Variants in USP43 observed in about 807,000 individuals in gnomAD.
USP43 encodes the protein ubiquitin carboxyl-terminal hydrolase 43.
Under a neutral mutation model 90.7 loss-of-function variants are expected in USP43, and 33 were observed. The ratio of observed to expected loss-of-function variants is 0.36; its 90% confidence interval spans 0.28 to 0.49. The LOEUF (loss-of-function observed/expected upper bound fraction) is 0.49, where lower values mean the gene tolerates loss of function less well. USP43 is among the 20% of genes least tolerant of loss of function. USP43 has a pLI of 0.98. For synonymous variants in USP43, 598 were observed against 615.8 expected (o/e 0.97, Z 0.43); for missense variants, 1,274 against 1,476.4 (o/e 0.86, Z 2.25).
intron 14 of USP43, among the ~76,000 whole-genome samples, chr17:9,714,063 T>A (rs1403220014): frequency 6.6e-6 from 1 of 152,132 alleles, no homozygotes; most frequent in Non-Finnish European, 1.5e-5. Flanking sequence ...ACGTGCAGAG[T>A]TCACAATAGG....
chr17:9,681,105 A>G (rs9902295), intron 6 of USP43, among the ~76,000 whole-genome samples: 1,317 of 83,092 alleles, frequency 0.016, 53 homozygotes, highest in African/African-American at 0.076. Context: ...GACATATACT[A>G]TATAATATAT....
At chr17:9,726,261 C>G (rs768968640) in intron 14 of USP43, among the ~76,000 whole-genome samples, 1 of 152,194 alleles carries the variant, frequency 6.6e-6, no homozygotes, top group Non-Finnish European at 1.5e-5. Context: ...TTCCTGAGCT[C>G]TCACCCGTGC....
At chr17:9,668,168 A>C (rs142859618) in intron 3 of USP43, among the ~76,000 whole-genome samples, 9 of 152,308 alleles carry the variant, frequency 5.9e-5, no homozygotes, top group African/African-American at 2.2e-4. Flanking sequence ...TTTCGAAGCC[A>C]TGCTTTTCTC....
chr17:9,712,899 A>G (rs1916290083), intron 14 of USP43, among the ~76,000 whole-genome samples: 1 of 152,190 alleles, frequency 6.6e-6, no homozygotes, highest in South Asian at 2.1e-4. Context: ...ATAGTTTGAT[A>G]CATGCGTACA....
rs1597826773 is a variant in USP43, at chr17:9,666,347, C to T, written c.637-301C>T. On this transcript the variant is annotated intron_variant, in intron 2 of 14. Transcript: ENST00000285199. Reference sequence around the variant, plus strand: ...GAAGCCGAGTGGGACAGAAATAACGCGCAGGGCCGTCCATCCAGGGGGAAC... The same window carrying T: ...GAAGCCGAGTGGGACAGAAATAACGTGCAGGGCCGTCCATCCAGGGGGAAC... Among the ~76,000 whole-genome samples, 7 of 152,250 alleles carry T rather than the reference C, an allele frequency of 4.6e-5. 2 individuals carry two copies. The South Asian group carries it at 1.5e-3, about 32-fold the overall frequency.
At position 9,686,517 on chromosome 17, in the gene USP43, A is replaced by G. The variant is rs1199636733; in HGVS notation, c.1242-281A>G. Reference sequence around the variant, plus strand: ...GCCATCCTAACTGGGGTAAGATGATATCTCATTGGGGTTTTGACTTGCATT... The same window carrying G: ...GCCATCCTAACTGGGGTAAGATGATGTCTCATTGGGGTTTTGACTTGCATT... On this transcript the variant is annotated intron_variant, in intron 7 of 14. Coordinates refer to ENST00000285199, the MANE Select transcript of USP43 (RefSeq NM_153210.5). The surrounding 1 kb of genome is among the most constrained non-coding windows in gnomAD (Gnocchi z 5.5). Among the ~76,000 whole-genome samples, 3 of 152,118 alleles carry G rather than the reference A, an allele frequency of 2.0e-5. No individual in the cohort carries two copies. Among genetic ancestry groups the G allele is most frequent in the African/African-American group, 7.2e-5 (3 of 41,414 alleles).
Position 9,690,893 on chromosome 17 carries a change from A to T in USP43, c.1354-2234A>T, listed in dbSNP as rs573088943. Among the ~76,000 whole-genome samples, 38 of 152,258 alleles carry T rather than the reference A, an allele frequency of 2.5e-4. No individual in the cohort carries two copies. The South Asian group carries it at 7.9e-3, about 32-fold the overall frequency. ...GAGCAAGACTGTCTCAAACAAACAAACAAACTATACCTATTAAACAACAAT... is the reference window on the plus strand; with the variant it reads ...GAGCAAGACTGTCTCAAACAAACAATCAAACTATACCTATTAAACAACAAT... On this transcript the variant is annotated intron_variant, in intron 8 of 14. Transcript: ENST00000285199.
At chr17:9,721,033 A>G (rs557315912) in intron 14 of USP43, among the ~76,000 whole-genome samples, 20 of 152,276 alleles carry the variant, frequency 1.3e-4, no homozygotes, top group African/African-American at 4.3e-4. Context: ...AACGGATCCA[A>G]GTGTTTTGGA....
chr17:9,690,379 C>T (rs990873577), intron 8 of USP43, among the ~76,000 whole-genome samples: 4 of 152,062 alleles, frequency 2.6e-5, no homozygotes, highest in African/African-American at 9.7e-5. Flanking sequence ...GCACCTATTT[C>T]TTTTATTTGA....
chr17:9,673,928 G>A (rs1425326895), intron 3 of USP43, among the ~76,000 whole-genome samples: 1 of 152,172 alleles, frequency 6.6e-6, no homozygotes, highest in Non-Finnish European at 1.5e-5. Flanking sequence ...ACAATAAGGA[G>A]GGTGGGCAGT....
intron 14 of USP43, 61 bp downstream of exon 14, chr17:9,712,193 C>A: frequency 6.7e-7 from 1 of 1,486,598 alleles, no homozygotes; most frequent in South Asian, 1.4e-5. Flanking sequence ...TGTTATTGCT[C>A]AGTATGAAAG....
At chr17:9,662,657 T>C (rs1315914800) in intron 2 of USP43, among the ~76,000 whole-genome samples, 1 of 152,138 alleles carries the variant, frequency 6.6e-6, no homozygotes, top group African/African-American at 2.4e-5. Flanking sequence ...CTTATGCTTC[T>C]TCATCTGGGA....
intron 5 of USP43, among the ~76,000 whole-genome samples, chr17:9,678,864 AAATAT>A (rs1354938685): frequency 1.3e-5 from 2 of 152,024 alleles, no homozygotes; most frequent in African/African-American, 4.8e-5. Flanking sequence ...ATGTATATGT[AAATAT>A]AATATATACA....
At chr17:9,713,726 G>C (rs944903411) in intron 14 of USP43, among the ~76,000 whole-genome samples, 11 of 152,142 alleles carry the variant, frequency 7.2e-5, no homozygotes, top group African/African-American at 2.4e-4. Context: ...TTGCTGATGT[G>C]GGGTGTGCAG....
At chr17:9,693,341 C>A in intron 9 of USP43, 111 bp downstream of exon 9, 1 of 908,566 alleles carries the variant, frequency 1.1e-6, no homozygotes, top group Admixed American at 2.1e-5. Context: ...TATTCTTGAT[C>A]ACTTACCTCT....
chr17:9,719,669 G>A (rs1916818545), intron 14 of USP43, among the ~76,000 whole-genome samples: 1 of 152,218 alleles, frequency 6.6e-6, no homozygotes, highest in Non-Finnish European at 1.5e-5. Flanking sequence ...CACATGGAGA[G>A]AGACTGCAAG....
At position 9,728,920 on chromosome 17, in the gene USP43, C is replaced by T. The variant is rs1194725300; in HGVS notation, c.3302C>T (p.Thr1101Ile). 9 of 1,609,188 alleles carry T rather than the reference C, an allele frequency of 5.6e-6. No homozygotes were observed. Among genetic ancestry groups the T allele is most frequent in the Non-Finnish European group, 6.8e-6 (8 of 1,177,572 alleles). ...CCAGGGGAGCAGGCTTCTTATGGCA[C>T]CTTTCAGAGAGTCAAATATCACACT... ...TVPGEQASYGTFQRVKYHTLS... is the reference protein window; with the variant it reads ...TVPGEQASYGIFQRVKYHTLS... The change falls in exon 15 of 15, where the codon ACC (threonine) becomes ATC (isoleucine). Residue 1101 changes from threonine (T) to isoleucine (I), a missense_variant. By Grantham distance (89) the Thr-to-Ile change is moderately conservative. Transcript: ENST00000285199. This position sits in a 1 kb window ranked among gnomAD's most constrained non-coding sequence, Gnocchi z 6.2.
At chr17:9,707,747 A>T (rs1017866678) in intron 12 of USP43, among the ~76,000 whole-genome samples, 3 of 151,724 alleles carry the variant, frequency 2.0e-5, no homozygotes, top group Admixed American at 6.6e-5. Flanking sequence ...GATGACTGGC[A>T]ATTTGGAAGA....
intron 14 of USP43, among the ~76,000 whole-genome samples, chr17:9,722,089 T>C (rs985875246): frequency 6.6e-6 from 1 of 152,202 alleles, no homozygotes; most frequent in Admixed American, 6.5e-5. Flanking sequence ...TCGCTTTATC[T>C]TGTTAGCTGC....
Sources: allele counts gnomAD v4.1 joint callset (sites outside exome capture counted in the v4.1 genomes callset), GRCh38; gene constraint gnomAD v4.1.1; non-coding constraint Gnocchi (gnomAD v3.1); transcripts MANE v1.5; gene names NCBI Gene and HGNC (gene_info 2026-07-23, HGNC 2026-07-21).